Variants in GFRA2 observed in about 807,000 individuals in gnomAD.
GFRA2 encodes GDNF family receptor alpha-2.
GFRA2 carries 17 observed loss-of-function variants against 48.3 expected under a neutral mutation model. The ratio of observed to expected loss-of-function variants is 0.35; its 90% CI spans 0.24 to 0.53. GFRA2 has a LOEUF of 0.53. GFRA2 is among the 20% of genes least tolerant of loss of function. The pLI, the probability that GFRA2 is intolerant of heterozygous loss-of-function variation, is 0.93. For missense variants in GFRA2, 660 were observed against 637.3 expected, an observed-to-expected ratio of 1.04 and a Z score of -0.38; for synonymous variants, 305 against 257.2, an observed-to-expected ratio of 1.19 and a Z score of -1.78.
chr8:21,761,745 T>A lies in GFRA2; in HGVS notation c.440-10803A>T, dbSNP rs144950481. Among the ~76,000 whole-genome samples the A allele has an allele frequency of 6.8e-3, 1,040 of 151,862 alleles. 55 individuals carry two copies. In the East Asian group the frequency reaches 0.14, roughly 20 times the overall value. Reference sequence around the variant, plus strand: ...TGGGTGGATTGCTTGAGGCCAGGAGTTCGAGACCAGCCTGGCCAACATGGT... The same window carrying A: ...TGGGTGGATTGCTTGAGGCCAGGAGATCGAGACCAGCCTGGCCAACATGGT... On this transcript the variant is annotated intron_variant, in intron 3 of 8. Transcript: ENST00000524240.
In GFRA2 at chr8:21,712,853, G is replaced by A. The variant is rs572968217; in HGVS notation, c.795-6812C>T. Among the ~76,000 whole-genome samples, 10 of 152,304 alleles carry A rather than the reference G, an allele frequency of 6.6e-5. 1 individual carries two copies. Among genetic ancestry groups the A allele is most frequent in the East Asian group, 5.8e-4 (3 of 5,182 alleles). On this transcript the variant is annotated intron_variant, in intron 4 of 8. Coordinates refer to ENST00000524240, the MANE Select transcript of GFRA2 (RefSeq NM_001495.5). ...AACCCCATCTCCACCAAAAAAATAC[G>A]AAAACCAGTCAGGCGTGGCGGTGCA...
In GFRA2 at chr8:21,731,035, G is replaced by A. The variant is rs537033007; in HGVS notation, c.794+19553C>T. Among the ~76,000 whole-genome samples the A allele has an allele frequency of 1.5e-4, 23 of 152,074 alleles. No individual in the cohort carries two copies. In the South Asian group the frequency reaches 3.5e-3, roughly 23 times the overall value. On this transcript the variant is annotated intron_variant, in intron 4 of 8. Coordinates refer to ENST00000524240, the MANE Select transcript of GFRA2 (RefSeq NM_001495.5). ...TTCCTCGTGTTGCGGACACTAACTC[G>A]GCTCGCGTGTCCCCTCATTTGAAAG...
At chr8:21,707,872 A>G (rs1333474378) in intron 4 of GFRA2, among the ~76,000 whole-genome samples, 3 of 152,234 alleles carry the variant, frequency 2.0e-5, no homozygotes, top group East Asian at 1.9e-4. Flanking sequence ...TTTTACCACA[A>G]TGATGGTTTA....
At chr8:21,807,840 T>C (rs1447713262) in intron 1 of GFRA2, among the ~76,000 whole-genome samples, 5 of 152,250 alleles carry the variant, frequency 3.3e-5, no homozygotes, top group African/African-American at 9.6e-5. Context: ...ATTCCGTCTG[T>C]AACATGGACA....
chr8:21,760,755 T>A (rs1805866726), intron 3 of GFRA2, among the ~76,000 whole-genome samples: 1 of 151,790 alleles, frequency 6.6e-6, no homozygotes, highest in South Asian at 2.1e-4. Flanking sequence ...GCGCCACAGG[T>A]TGGGGATGAG....
In GFRA2 at chr8:21,693,219, T is replaced by C. The variant is rs912450851; in HGVS notation, c.*59A>G. 10 of 1,538,352 alleles carry C rather than the reference T, an allele frequency of 6.5e-6. No individual in the cohort carries two copies. The African/African-American group carries it at 1.4e-4, about 21-fold the overall frequency. On this transcript the variant is annotated 3_prime_UTR_variant, in exon 9 of 9. Transcript: ENST00000524240. ...TGTGTCTGTGTGTGTTTCCATTTCG[T>C]CAGGCGGCTGTTCTTGTCTGCGTAG...
upstream of GFRA2, chr8:21,790,062 G>C (rs1463696605): frequency 1.0e-6 from 1 of 984,916 alleles, no homozygotes; most frequent in Non-Finnish European, 1.2e-6. Context: ...TCGGTGGGCC[G>C]GGCTCACCGG....
At chr8:21,727,220 T>G (rs887889887) in intron 4 of GFRA2, among the ~76,000 whole-genome samples, 3 of 152,198 alleles carry the variant, frequency 2.0e-5, no homozygotes, top group Non-Finnish European at 4.4e-5. Flanking sequence ...GAACCCTCTG[T>G]GTGTCCAGAC....
intron 3 of GFRA2, among the ~76,000 whole-genome samples, chr8:21,772,655 C>T (rs1806492081): frequency 6.6e-6 from 1 of 152,192 alleles, no homozygotes; most frequent in Admixed American, 6.5e-5. Context: ...AGGGAGTGGT[C>T]CCTGGAGCAC....
chr8:21,706,250 A>G, intron 4 of GFRA2: 1 of 647,820 alleles, frequency 1.5e-6, no homozygotes, highest in Non-Finnish European at 2.8e-6. Context: ...CCGGAGAGAC[A>G]GGCACATAGT....
upstream of GFRA2, among the ~76,000 whole-genome samples, chr8:21,790,373 T>C (rs1345638310): frequency 8.5e-5 from 13 of 152,336 alleles, no homozygotes; most frequent in African/African-American, 3.1e-4. Context: ...AACATGAATT[T>C]GATAGTACCG....
chr8:21,700,487 G>A (rs1345691488), intron 7 of GFRA2, among the ~76,000 whole-genome samples: 3 of 152,190 alleles, frequency 2.0e-5, no homozygotes, highest in Non-Finnish European at 4.4e-5. Flanking sequence ...CACTCCCACC[G>A]TGGGAAAGTC....
chr8:21,765,292 G>A (rs1362150001), intron 3 of GFRA2, among the ~76,000 whole-genome samples: 2 of 151,822 alleles, frequency 1.3e-5, no homozygotes, highest in African/African-American at 2.4e-5. Context: ...TGTGTATTTT[G>A]TAGAGGTGGG....
At chr8:21,781,535 C>T (rs561341897) in intron 2 of GFRA2, among the ~76,000 whole-genome samples, 5 of 152,278 alleles carry the variant, frequency 3.3e-5, no homozygotes, top group East Asian at 1.9e-4. Context: ...TCCAGGAAGA[C>T]GCTTTAGATT....
At chr8:21,760,054 A>C (rs574884292) in intron 3 of GFRA2, among the ~76,000 whole-genome samples, 1 of 152,306 alleles carries the variant, frequency 6.6e-6, no homozygotes, top group South Asian at 2.1e-4. Flanking sequence ...GCAAGCACAA[A>C]GGTCCTGAGA....
intron 3 of GFRA2, among the ~76,000 whole-genome samples, chr8:21,773,703 G>A (rs1408467147): frequency 6.6e-6 from 1 of 152,124 alleles, no homozygotes; most frequent in African/African-American, 2.4e-5. Flanking sequence ...GAAAAAAAAA[G>A]AATGGTTGAG....
At chr8:21,767,787 C>T (rs1371299364) in intron 3 of GFRA2, among the ~76,000 whole-genome samples, 1 of 152,316 alleles carries the variant, frequency 6.6e-6, no homozygotes, top group African/African-American at 2.4e-5. Context: ...ATGAAAGAGG[C>T]TTTGGTTGTG....
At chr8:21,744,728 C>T (rs1385510759) in intron 4 of GFRA2, among the ~76,000 whole-genome samples, 1 of 152,168 alleles carries the variant, frequency 6.6e-6, no homozygotes, top group East Asian at 1.9e-4. Context: ...AGAAGTTCTC[C>T]AGGCTTTCCA....
intron 4 of GFRA2, among the ~76,000 whole-genome samples, chr8:21,749,780 C>A (rs1036137100): frequency 2.6e-5 from 4 of 151,420 alleles, no homozygotes; most frequent in African/African-American, 9.7e-5. Flanking sequence ...AGCTTTGAAT[C>A]CTGTCTTTAC....
Sources: gnomAD v4.1 joint callset for allele counts (sites outside exome capture counted in the v4.1 genomes callset) on GRCh38, gnomAD v4.1.1 for gene constraint, MANE v1.5 for transcripts, NCBI Gene and HGNC (gene_info 2026-07-23, HGNC 2026-07-21) for gene names.